Variants in ENTREP2 observed in about 807,000 individuals in gnomAD.
The protein encoded by ENTREP2 is endosomal transmembrane epsin interactor 2, also known as protein ENTREP2.
chr15:29,519,031 A>G, the ENTREP2 span, among the ~76,000 whole-genome samples: 2 of 152,156 alleles, frequency 1.3e-5, no homozygotes. Context: ...ATGCTCCCCA[A>G]GCTGTTCTCA....
At chr15:29,387,525 G>A in the ENTREP2 span, among the ~76,000 whole-genome samples, 3 of 152,160 alleles carry the variant, frequency 2.0e-5, no homozygotes, top group Admixed American at 6.5e-5. Context: ...AATCAATATC[G>A]TGAAAATGGA....
At chr15:29,287,321 C>T in the ENTREP2 span, among the ~76,000 whole-genome samples, 2 of 146,956 alleles carry the variant, frequency 1.4e-5, no homozygotes, top group African/African-American at 5.1e-5. Context: ...TGCCTGCATT[C>T]GGTTACAATT....
the ENTREP2 span, among the ~76,000 whole-genome samples, chr15:29,424,067 T>TG: frequency 6.6e-6 from 1 of 152,218 alleles, no homozygotes; most frequent in Non-Finnish European, 1.5e-5. Flanking sequence ...TTCTTTCAGA[T>TG]GCGTCTGGAA....
chr15:29,221,149 G>A, the ENTREP2 span, among the ~76,000 whole-genome samples: 3 of 151,916 alleles, frequency 2.0e-5, no homozygotes, highest in African/African-American at 7.3e-5. Flanking sequence ...CTAGGACACA[G>A]CAACCGTTCC....
the ENTREP2 span, among the ~76,000 whole-genome samples, chr15:29,347,524 G>A: frequency 6.6e-6 from 1 of 151,862 alleles, no homozygotes; most frequent in Non-Finnish European, 1.5e-5. Flanking sequence ...TTTTCTACAG[G>A]AGATCATTAT....
At chr15:29,480,985 G>C in the ENTREP2 span, among the ~76,000 whole-genome samples, 1 of 152,148 alleles carries the variant, frequency 6.6e-6, no homozygotes, top group Non-Finnish European at 1.5e-5. Context: ...GTCAGCGAGG[G>C]AAAGTCCCTA....
the ENTREP2 span, among the ~76,000 whole-genome samples, chr15:29,329,707 G>A: frequency 2.0e-5 from 3 of 152,258 alleles, no homozygotes; most frequent in South Asian, 4.1e-4. Flanking sequence ...AAGTAAGAAC[G>A]TGATAAAAAT....
the ENTREP2 span, among the ~76,000 whole-genome samples, chr15:29,392,588 T>C: frequency 2.0e-5 from 3 of 152,234 alleles, no homozygotes; most frequent in Non-Finnish European, 2.9e-5. Context: ...CTAAAGACTT[T>C]TGAGATCATC....
chr15:29,232,128 TG>T, the ENTREP2 span, among the ~76,000 whole-genome samples: 2 of 152,044 alleles, frequency 1.3e-5, no homozygotes, highest in African/African-American at 4.8e-5. Context: ...TGACCTCAGG[TG>T]ATCTGCCTGC....
chr15:29,578,994 T>C, the ENTREP2 span, among the ~76,000 whole-genome samples: 1 of 152,182 alleles, frequency 6.6e-6, no homozygotes, highest in South Asian at 2.1e-4. Flanking sequence ...AATGGTTTCA[T>C]TAGAATAAGC....
the ENTREP2 span, among the ~76,000 whole-genome samples, chr15:29,657,483 C>CAGGGCGGGGCGGGG: frequency 2.9e-5 from 2 of 69,434 alleles, no homozygotes; most frequent in Middle Eastern, 7.5e-3. Context: ...GCTGGGGGGG[C>CAGGGCGGGGCGGGG]GGGGGGGGGG....
the ENTREP2 span, among the ~76,000 whole-genome samples, chr15:29,315,753 A>T: frequency 1.3e-5 from 2 of 152,248 alleles, no homozygotes; most frequent in Non-Finnish European, 2.9e-5. Context: ...GAATACTACC[A>T]GAAGCAAATA....
chr15:29,395,120 T>C, the ENTREP2 span, among the ~76,000 whole-genome samples: 35 of 151,066 alleles, frequency 2.3e-4, no homozygotes, highest in East Asian at 6.5e-3. Context: ...GATCTCCTGA[T>C]CTCGTGATCC....
At chr15:29,144,221 C>G in the ENTREP2 span, among the ~76,000 whole-genome samples, 1 of 152,180 alleles carries the variant, frequency 6.6e-6, no homozygotes, top group South Asian at 2.1e-4. Flanking sequence ...GAGTTTCACA[C>G]ACACATACAC....
the ENTREP2 span, among the ~76,000 whole-genome samples, chr15:29,225,062 T>G: frequency 6.6e-6 from 1 of 152,188 alleles, no homozygotes; most frequent in Non-Finnish European, 1.5e-5. Flanking sequence ...GCTGAGCCCA[T>G]GCCCACCCAG....
the ENTREP2 span, among the ~76,000 whole-genome samples, chr15:29,401,979 G>A: frequency 6.6e-6 from 1 of 151,978 alleles, no homozygotes; most frequent in South Asian, 2.1e-4. Flanking sequence ...CCTAACAATC[G>A]GAAACTAGAT....
chr15:29,272,075 C>T, the ENTREP2 span, among the ~76,000 whole-genome samples: 6,714 of 152,194 alleles, frequency 0.044, 499 homozygotes, highest in African/African-American at 0.15. Flanking sequence ...AGATAGCAGA[C>T]TGTCATTACT....
At chr15:29,286,436 G>A in the ENTREP2 span, among the ~76,000 whole-genome samples, 4 of 152,150 alleles carry the variant, frequency 2.6e-5, no homozygotes, top group Non-Finnish European at 5.9e-5. Context: ...TGGATGCAAC[G>A]CAATCTCCCC....
chr15:29,136,600 C>A, the ENTREP2 span: 1 of 1,304,902 alleles, frequency 7.7e-7, no homozygotes, highest in South Asian at 1.5e-5. Flanking sequence ...CAGGGCTTCC[C>A]CTCTTCTAAT....
Sources: gnomAD v4.1 joint callset for allele counts (sites outside exome capture counted in the v4.1 genomes callset) on GRCh38, gnomAD v4.1.1 for gene constraint, MANE v1.5 for transcripts, NCBI Gene and HGNC (gene_info 2026-07-23, HGNC 2026-07-21) for gene names.